ALDH1A1: variants seen among roughly 807,000 people sequenced by gnomAD.
The protein encoded by ALDH1A1 is aldehyde dehydrogenase 1A1.
A neutral mutation model predicts 62.1 loss-of-function variants in ALDH1A1; 19 were observed. The ratio of observed to expected loss-of-function variants is 0.31; its 90% CI spans 0.21 to 0.45. ALDH1A1 has a LOEUF of 0.45. Among genes scored for constraint, ALDH1A1 ranks in the 20% least tolerant of loss-of-function variants. The probability of loss-of-function intolerance (pLI) is 1.00; values close to 1 mark genes in which losing one functional copy is unlikely to be tolerated. For missense variants in ALDH1A1, 521 were observed against 607.1 expected, an observed-to-expected ratio of 0.86 and a Z score of 1.49; for synonymous variants, 231 against 215.9, an observed-to-expected ratio of 1.07 and a Z score of -0.61.
intron 6 of ALDH1A1, among the ~76,000 whole-genome samples, chr9:72,925,211 G>A (rs1167930665): frequency 6.6e-6 from 1 of 152,168 alleles, no homozygotes; most frequent in Non-Finnish European, 1.5e-5. Context: ...ATGAATTTAT[G>A]TTCATGAGAG....
At position 72,901,051 on chromosome 9, in the gene ALDH1A1, T is replaced by C. The variant is rs1421704629; in HGVS notation, c.*157A>G. 2.1e-6 allele frequency: 1 copy of C among 484,846 alleles called. No individual in the cohort carries two copies. Among genetic ancestry groups the C allele is most frequent in the Non-Finnish European group, 3.7e-6 (1 of 273,012 alleles). The allele number at this position is 484,846 out of a possible 1,614,324, so 30.0% of individuals were successfully genotyped here. On this transcript the variant is annotated 3_prime_UTR_variant, in exon 13 of 13. Transcript: ENST00000297785. ...AATAATTCTTTCAGAAGAAGCTACA[T>C]GTCAAGTTTTCTATGGGTAGTATTA...
intron 2 of ALDH1A1, among the ~76,000 whole-genome samples, chr9:72,933,838 G>A (rs896126763): frequency 6.6e-6 from 1 of 151,976 alleles, no homozygotes; most frequent in African/African-American, 2.4e-5. Flanking sequence ...TGTTGCCTAG[G>A]CTGGTGTGCA....
intron 3 of ALDH1A1, 34 bp downstream of exon 3, chr9:72,930,845 C>T: frequency 1.2e-6 from 2 of 1,612,826 alleles, no homozygotes; most frequent in Non-Finnish European, 1.7e-6. Flanking sequence ...CTTTTGAGAG[C>T]TCTAGCTACC....
chr9:72,902,012 G>A (rs559718997), intron 12 of ALDH1A1, among the ~76,000 whole-genome samples: 2 of 152,084 alleles, frequency 1.3e-5, no homozygotes, highest in South Asian at 4.1e-4. Context: ...TGATAGATTG[G>A]TCTAAATTCA....
chr9:72,926,704 T>A (rs1210523830), intron 5 of ALDH1A1, among the ~76,000 whole-genome samples: 1 of 152,242 alleles, frequency 6.6e-6, no homozygotes, highest in African/African-American at 2.4e-5. Flanking sequence ...ATGAGATGTC[T>A]CAATGAGAAA....
At chr9:72,901,421 T>C (rs946116134) in intron 12 of ALDH1A1, 141 bp from the exon 13 acceptor site, 3 of 509,364 alleles carry the variant, frequency 5.9e-6, no homozygotes, top group Non-Finnish European at 1.0e-5. Flanking sequence ...GAGCATTTTA[T>C]ATAGTAGCTA....
intron 5 of ALDH1A1, chr9:72,926,897 A>T (rs1319269340): frequency 2.3e-6 from 1 of 443,298 alleles, no homozygotes; most frequent in Admixed American, 3.7e-5. Flanking sequence ...TAGTATTAAA[A>T]CATTCTCAAG....
intron 7 of ALDH1A1, among the ~76,000 whole-genome samples, chr9:72,922,792 G>A (rs951516872): frequency 1.3e-5 from 2 of 152,130 alleles, no homozygotes; most frequent in African/African-American, 4.8e-5. Context: ...GCCATATCTT[G>A]AACATTCCCA....
chr9:72,928,987 G>A lies in ALDH1A1; in HGVS notation c.347C>T (p.Ser116Phe), dbSNP rs200465513. The A allele has an allele frequency of 4.7e-5, 76 of 1,613,786 alleles. No individual in the cohort carries two copies. The East Asian group carries it at 5.8e-4, about 12-fold the overall frequency. The change falls in exon 4 of 13, where the codon TCC (serine) becomes TTC (phenylalanine). Residue 116 changes from serine to phenylalanine, a missense_variant. Ser to Phe is a radical substitution (Grantham distance 155, BLOSUM62 -2). Coordinates refer to ENST00000297785, the MANE Select transcript of ALDH1A1 (RefSeq NM_000689.5). ...MESMNGGKLY[S>F]NAYLNDLAGC... ...TGCTAAATCATTCAGATATGCATTGGAATAGAGTTTTCCACCATTCATTGA... is the reference window on the plus strand; with the variant it reads ...TGCTAAATCATTCAGATATGCATTGAAATAGAGTTTTCCACCATTCATTGA...
intron 12 of ALDH1A1, among the ~76,000 whole-genome samples, chr9:72,905,216 A>G (rs144699498): frequency 7.8e-4 from 119 of 152,308 alleles, no homozygotes; most frequent in African/African-American, 2.6e-3. Context: ...AAAAGTTTTA[A>G]GAAATAAAAT....
At chr9:72,949,419 T>C (rs1467720846) in intron 1 of ALDH1A1, among the ~76,000 whole-genome samples, 1 of 151,870 alleles carries the variant, frequency 6.6e-6, no homozygotes, top group East Asian at 1.9e-4. Flanking sequence ...ACAAGTCTCT[T>C]GCTAGTGTGT....
intron 1 of ALDH1A1, among the ~76,000 whole-genome samples, chr9:72,946,116 A>T (rs960673630): frequency 3.9e-5 from 6 of 151,972 alleles, no homozygotes; most frequent in African/African-American, 1.2e-4. Context: ...TCTGTACATC[A>T]TATATTTTCT....
At chr9:72,925,687 C>A (rs1588137979) in intron 5 of ALDH1A1, 75 bp from the exon 6 acceptor site, 1 of 1,501,878 alleles carries the variant, frequency 6.7e-7, no homozygotes, top group African/African-American at 1.4e-5. Flanking sequence ...CCATATTATA[C>A]ACCCCCTGTA....
intron 8 of ALDH1A1, among the ~76,000 whole-genome samples, chr9:72,918,412 C>T (rs1317857307): frequency 6.6e-6 from 1 of 152,036 alleles, no homozygotes; most frequent in African/African-American, 2.4e-5. Context: ...CTAATAATCA[C>T]AGATATGGAA....
intron 1 of ALDH1A1, chr9:72,942,168 C>G (rs1485394973): frequency 2.1e-6 from 1 of 470,806 alleles, no homozygotes; most frequent in African/African-American, 2.1e-5. Flanking sequence ...TAGAGTGAAT[C>G]AACACTCTAG....
At chr9:72,943,203 A>T (rs1447897288) in intron 1 of ALDH1A1, among the ~76,000 whole-genome samples, 1 of 152,146 alleles carries the variant, frequency 6.6e-6, no homozygotes, top group South Asian at 2.1e-4. Flanking sequence ...AAAATAAAAC[A>T]ACATACAGAA....
chr9:72,936,633 T>A (rs1320887708), intron 2 of ALDH1A1, among the ~76,000 whole-genome samples: 1 of 152,126 alleles, frequency 6.6e-6, no homozygotes, highest in East Asian at 1.9e-4. Flanking sequence ...AGGTGAAGAA[T>A]AAATTTCTCT....
intron 4 of ALDH1A1, among the ~76,000 whole-genome samples, 161 bp from the exon 5 acceptor site, chr9:72,927,338 C>T (rs548537083): frequency 3.3e-5 from 5 of 152,004 alleles, no homozygotes; most frequent in Non-Finnish European, 7.4e-5. Flanking sequence ...TTTGGGAGGC[C>T]GAGGCAGGCA....
At chr9:72,908,746 A>G (rs1275755581) in intron 11 of ALDH1A1, among the ~76,000 whole-genome samples, 3 of 152,164 alleles carry the variant, frequency 2.0e-5, no homozygotes, top group Non-Finnish European at 4.4e-5. Flanking sequence ...GACCAAAGAC[A>G]TAGTCTAGAG....
Sources: allele counts gnomAD v4.1 joint callset (sites outside exome capture counted in the v4.1 genomes callset), GRCh38; gene constraint gnomAD v4.1.1; transcripts MANE v1.5; gene names NCBI Gene and HGNC (gene_info 2026-07-23, HGNC 2026-07-21).